ADH1A: variants seen among roughly 807,000 people sequenced by gnomAD.
The protein encoded by ADH1A is alcohol dehydrogenase 1A (class I), alpha polypeptide.
A neutral mutation model predicts 35.2 loss-of-function variants in ADH1A; 29 were observed. That is an observed-to-expected ratio of 0.82 (90% CI 0.61 to 1.12). ADH1A has a LOEUF of 1.12. Ranked by LOEUF, ADH1A falls within the 50% of genes most tolerant of loss-of-function variation. The probability of loss-of-function intolerance (pLI) is 0.00; values close to 1 mark genes in which losing one functional copy is unlikely to be tolerated. For synonymous variants in ADH1A, 147 were observed against 164.8 expected (o/e 0.89, Z 0.83); for missense variants, 469 against 464.7 (o/e 1.01, Z -0.09).
At chr4:99,286,809 GGAT>G (rs1304888326) in intron 3 of ADH1A, 38 bp downstream of exon 3, 1 of 1,607,292 alleles carries the variant, frequency 6.2e-7, no homozygotes, top group Non-Finnish European at 8.5e-7. Flanking sequence ...GGAAATCTTA[GGAT>G]GGTGAACCAT....
At position 99,284,391 on chromosome 4, in the gene ADH1A, A is replaced by C; in HGVS notation, c.567+8T>G. The C allele has an allele frequency of 6.2e-7, 1 of 1,614,058 alleles. No individual in the cohort carries two copies. Among genetic ancestry groups the C allele is most frequent in the Non-Finnish European group, 8.5e-7 (1 of 1,179,952 alleles). On this transcript the variant is annotated splice_region_variant and intron_variant, in intron 5 of 8. Coordinates refer to ENST00000209668, the MANE Select transcript of ADH1A (RefSeq NM_000667.4). ...GTAACTGTTTTTATCACCCATTGCC[A>C]TTCTTACCTTGGCAACATTGACTGC...
At chr4:99,279,694 A>C (rs1415840924) in intron 7 of ADH1A, 130 bp from the exon 8 acceptor site, 1 of 1,118,284 alleles carries the variant, frequency 8.9e-7, no homozygotes, top group Non-Finnish European at 1.3e-6. Context: ...GGTTAATAAG[A>C]GATACAGTAC....
rs759278507 is a variant in ADH1A at position 99,286,987 on chromosome 4, A to G, written c.122T>C (p.Met41Thr). 1 of 1,613,304 alleles carries G rather than the reference A, an allele frequency of 6.2e-7. No individual in the cohort carries two copies. The highest frequency in any genetic ancestry group is 1.1e-5 in the South Asian group (1 of 90,896). The change falls in exon 3 of 9, where the codon ATG (methionine) becomes ACG (threonine). Residue 41 changes from methionine (M) to threonine (T), a missense_variant and splice_region_variant. Coordinates refer to ENST00000209668, the MANE Select transcript of ADH1A (RefSeq NM_000667.4). ...TGTGCCACAGATTCCTACAGCCACC[A>G]TCTACAGAGTGAAGAGAAGATGTTT... ...PPKAHEVRIKMVAVGICGTDD... is the reference protein window; with the variant it reads ...PPKAHEVRIKTVAVGICGTDD...
chr4:99,276,678 A>G, intron 8 of ADH1A, 30 bp from the exon 9 acceptor site: 1 of 1,601,554 alleles, frequency 6.2e-7, no homozygotes. Flanking sequence ...ACATTGTATT[A>G]GCATTTAGAC....
At chr4:99,285,473 T>A (rs1733124065) in intron 3 of ADH1A, among the ~76,000 whole-genome samples, 2 of 152,210 alleles carry the variant, frequency 1.3e-5, no homozygotes, top group Admixed American at 6.5e-5. Context: ...ATTTGTGAAT[T>A]ATCTACTTTT....
At chr4:99,284,962 C>T (rs1324109943) in intron 3 of ADH1A, among the ~76,000 whole-genome samples, 159 bp from the exon 4 acceptor site, 1 of 152,162 alleles carries the variant, frequency 6.6e-6, no homozygotes, top group Non-Finnish European at 1.5e-5. Flanking sequence ...TCATTGCCTG[C>T]CACAGCCTTG....
At chr4:99,287,045 A>T in intron 2 of ADH1A, 57 bp from the exon 3 acceptor site, 1 of 1,572,854 alleles carries the variant, frequency 6.4e-7, no homozygotes, top group South Asian at 1.2e-5. Flanking sequence ...TGAATTTAAA[A>T]ATCCCAGTTC....
intron 4 of ADH1A, 21 bp downstream of exon 4, chr4:99,284,695 G>A: frequency 1.2e-6 from 2 of 1,613,554 alleles, no homozygotes; most frequent in Non-Finnish European, 1.7e-6. Flanking sequence ...TGTCTGCGCA[G>A]GGAGAGCATC....
chr4:99,279,188 G>A (rs750133570), intron 8 of ADH1A, among the ~76,000 whole-genome samples: 5 of 151,584 alleles, frequency 3.3e-5, no homozygotes, highest in Non-Finnish European at 5.9e-5. Flanking sequence ...CTGATCATTC[G>A]GATTTGCTGT....
At chr4:99,276,869 T>G (rs1449004487) in intron 8 of ADH1A, among the ~76,000 whole-genome samples, 2 of 152,178 alleles carry the variant, frequency 1.3e-5, no homozygotes, top group Admixed American at 6.5e-5. Context: ...ATTCTGAGTA[T>G]GCCTGTCATT....
intron 8 of ADH1A, among the ~76,000 whole-genome samples, chr4:99,277,329 T>C (rs28364338): frequency 0.024 from 3,620 of 152,220 alleles, 119 homozygotes; most frequent in Admixed American, 0.077. Flanking sequence ...AATTCTAAGA[T>C]ACTTCATTCT....
chr4:99,279,678 G>A (rs781726039), intron 7 of ADH1A, 114 bp from the exon 8 acceptor site: 77 of 1,291,468 alleles, frequency 6.0e-5, no homozygotes, highest in Non-Finnish European at 7.9e-5. Flanking sequence ...AGACTGCAAC[G>A]ACTGAGGTTA....
intron 5 of ADH1A, among the ~76,000 whole-genome samples, chr4:99,283,480 T>G (rs1368796147): frequency 1.3e-5 from 2 of 152,170 alleles, no homozygotes; most frequent in East Asian, 1.9e-4. Flanking sequence ...GTCTATTCAT[T>G]CATTCATTCA....
In ADH1A at chr4:99,286,909, C is replaced by T. The variant is rs1256332726; in HGVS notation, c.200G>A (p.Gly67Asp). The T allele has an allele frequency of 6.2e-7, 1 of 1,614,044 alleles. No individual in the cohort carries two copies. ...TMVTPLPVIL[G>D]HEAAGIVESV... ...CTCCACGATGCCGGCTGCCTCATGG[C>T]CTAAAATCACAGGAAGTGGGGTCAC... The change falls in exon 3 of 9, where the codon GGC (glycine) becomes GAC (aspartate). Residue 67 changes from glycine (G) to aspartate (D), a missense_variant. Coordinates refer to ENST00000209668, the MANE Select transcript of ADH1A (RefSeq NM_000667.4).
rs142632738 is a variant in ADH1A at position 99,279,007 on chromosome 4, A to C, written c.1103+419T>G. 1.2e-4 allele frequency among the ~76,000 whole-genome samples: 19 copies of C among 152,314 alleles called. No individual in the cohort carries two copies. The East Asian group carries it at 3.7e-3, about 29-fold the overall frequency. ...TAGTTTCACATACTCCAATAATGAAAATGTTGAGGATGTCCTGAAAATTAT... is the reference window on the plus strand; with the variant it reads ...TAGTTTCACATACTCCAATAATGAACATGTTGAGGATGTCCTGAAAATTAT... On this transcript the variant is annotated intron_variant, in intron 8 of 8. Transcript: ENST00000209668.
chr4:99,288,762 C>T (rs1733219663), intron 1 of ADH1A: 1 of 152,120 alleles, frequency 6.6e-6, no homozygotes, highest in Admixed American at 6.6e-5. Flanking sequence ...TATGATGTGA[C>T]AGGCACATTG....
At chr4:99,290,766 A>G (rs750120600) in intron 1 of ADH1A, 131 bp downstream of exon 1, 16 of 938,556 alleles carry the variant, frequency 1.7e-5, no homozygotes, top group Non-Finnish European at 2.7e-5. Flanking sequence ...TATAGCATAT[A>G]TTGCATATCA....
chr4:99,289,765 T>G (rs1733245552), intron 1 of ADH1A, among the ~76,000 whole-genome samples: 1 of 152,212 alleles, frequency 6.6e-6, no homozygotes, highest in African/African-American at 2.4e-5. Flanking sequence ...TTAATATGAT[T>G]GGTTTATACT....
At chr4:99,287,500 G>GTTTT in intron 2 of ADH1A, 64 bp downstream of exon 2, 1 of 1,520,738 alleles carries the variant, frequency 6.6e-7, no homozygotes, top group Non-Finnish European at 9.0e-7. Flanking sequence ...AAATTTGGTT[G>GTTTT]TTTCCGTTTT....
Sources: gnomAD v4.1 joint callset for allele counts (sites outside exome capture counted in the v4.1 genomes callset) on GRCh38, gnomAD v4.1.1 for gene constraint, MANE v1.5 for transcripts, NCBI Gene and HGNC (gene_info 2026-07-23, HGNC 2026-07-21) for gene names.